The following DESI1 variants were observed in gnomAD, a reference collection of about 807,000 sequenced individuals.
DESI1 encodes PPPDE peptidase domain containing 2.
A neutral mutation model predicts 22.4 loss-of-function variants in DESI1; 17 were observed. That is an observed-to-expected ratio of 0.76 (90% CI 0.52 to 1.14). The LOEUF (loss-of-function observed/expected upper bound fraction) is 1.14, where lower values mean the gene tolerates loss of function less well. Ranked by LOEUF, DESI1 falls within the 50% of genes most tolerant of loss-of-function variation. DESI1 has a pLI of 0.00. For synonymous variants in DESI1, 92 were observed against 84.2 expected (o/e 1.09, Z -0.51); for missense variants, 177 against 208.9 (o/e 0.85, Z 0.94).
In DESI1 at chr22:41,604,195, C is replaced by T. The variant is rs1406069395; in HGVS notation, c.181-42G>A. 1.9e-6 allele frequency: 3 copies of T among 1,570,982 alleles called. No individual in the cohort carries two copies. The East Asian group carries it at 6.8e-5, about 35-fold the overall frequency. On this transcript the variant is annotated intron_variant, in intron 3 of 5. Coordinates refer to ENST00000263256, the MANE Select transcript of DESI1 (RefSeq NM_015704.3). ...AAAGGAAGTCATTAAGTTACCATCTCCACTGAATGTTTTAATGTGGCTTCC... is the reference window on the plus strand; with the variant it reads ...AAAGGAAGTCATTAAGTTACCATCTTCACTGAATGTTTTAATGTGGCTTCC...
At chr22:41,605,018 C>T (rs558065576) in intron 3 of DESI1, among the ~76,000 whole-genome samples, 3 of 152,284 alleles carry the variant, frequency 2.0e-5, no homozygotes, top group Admixed American at 1.3e-4. Context: ...AACCCAGAAT[C>T]TGAAGTCTAC....
At chr22:41,619,018 C>T (rs548439725) in intron 1 of DESI1, among the ~76,000 whole-genome samples, 28 of 151,722 alleles carry the variant, frequency 1.8e-4, no homozygotes, top group Non-Finnish European at 3.5e-4. Context: ...GAGCCTAGAT[C>T]GTGCCACTGC....
intron 5 of DESI1, chr22:41,602,885 T>A (rs1013117614): frequency 1.1e-6 from 1 of 874,818 alleles, no homozygotes; most frequent in Non-Finnish European, 1.4e-6. Context: ...GCCCCCCTAC[T>A]ATTTTTCTGA....
chr22:41,617,996 C>T (rs1468605100), intron 1 of DESI1, among the ~76,000 whole-genome samples: 2 of 152,172 alleles, frequency 1.3e-5, no homozygotes, highest in Non-Finnish European at 2.9e-5. Context: ...TCCCTTACTA[C>T]CCTCCTGTGG....
chr22:41,620,950 C>CCG lies in DESI1; in HGVS notation c.-112_-111insCG. ...CGGAGGGAGAGGGGGGGACCGAGCCCGGGCCCGGGCTGAGGGGTGGGGGAG... is the reference window on the plus strand; with the variant it reads ...CGGAGGGAGAGGGGGGGACCGAGCCCCGGGGCCCGGGCTGAGGGGTGGGGGAG... On this transcript the variant is annotated 5_prime_UTR_variant, in exon 1 of 6. Coordinates refer to ENST00000263256, the MANE Select transcript of DESI1 (RefSeq NM_015704.3). The CCG allele has an allele frequency of 1.2e-6, 1 of 857,342 alleles. No homozygotes were observed. The highest frequency in any genetic ancestry group is 1.7e-6 in the Non-Finnish European group (1 of 584,166). 53.1% of individuals were successfully genotyped at this position (857,342 alleles called of 1,614,324 possible).
At chr22:41,620,662 G>GA (rs756887879) in intron 1 of DESI1, 90 bp downstream of exon 1, 1,253 of 1,280,652 alleles carry the variant, frequency 9.8e-4, no homozygotes, top group Non-Finnish European at 1.2e-3. Context: ...GTCTCCCCGT[G>GA]AGTCGTGGCC....
chr22:41,619,025 C>T (rs1176277126), intron 1 of DESI1, among the ~76,000 whole-genome samples: 1 of 151,590 alleles, frequency 6.6e-6, no homozygotes, highest in Non-Finnish European at 1.5e-5. Flanking sequence ...GATCGTGCCA[C>T]TGCACTCCAG....
intron 1 of DESI1, among the ~76,000 whole-genome samples, chr22:41,616,656 T>C (rs1439840420): frequency 6.6e-6 from 1 of 152,064 alleles, no homozygotes; most frequent in Non-Finnish European, 1.5e-5. Flanking sequence ...ACACTTATAA[T>C]AGCTAATTAT....
At chr22:41,617,186 C>T (rs941659081) in intron 1 of DESI1, among the ~76,000 whole-genome samples, 6 of 152,116 alleles carry the variant, frequency 3.9e-5, no homozygotes, top group African/African-American at 1.4e-4. Flanking sequence ...TGACAGAGAA[C>T]GCGAGCTCTG....
chr22:41,620,695 C>G (rs2267437), intron 1 of DESI1, 57 bp downstream of exon 1: 625,437 of 1,529,408 alleles, frequency 0.41, 133,277 homozygotes, highest in Non-Finnish European at 0.44. Context: ...CCTCGGCCAG[C>G]CGCCACCCTC....
At chr22:41,608,051 G>A (rs939985631) in intron 1 of DESI1, among the ~76,000 whole-genome samples, 190 bp from the exon 2 acceptor site, 20 of 152,314 alleles carry the variant, frequency 1.3e-4, no homozygotes, top group Non-Finnish European at 2.5e-4. Context: ...GAAAAGTAAT[G>A]AGAGTCTTTT....
chr22:41,613,629 T>C (rs530675899), intron 1 of DESI1, among the ~76,000 whole-genome samples: 30 of 152,354 alleles, frequency 2.0e-4, no homozygotes, highest in African/African-American at 6.3e-4. Context: ...CACAGTGCTA[T>C]TGAGGACAAA....
intron 1 of DESI1, among the ~76,000 whole-genome samples, chr22:41,610,062 A>AGGGTG: frequency 7.1e-6 from 1 of 141,248 alleles, no homozygotes; most frequent in African/African-American, 2.7e-5. Context: ...CCTGGGCAAC[A>AGGGTG]AGAGCAAAAC....
chr22:41,614,570 T>C (rs1270104856), intron 1 of DESI1, among the ~76,000 whole-genome samples: 1 of 140,518 alleles, frequency 7.1e-6, no homozygotes, highest in Non-Finnish European at 1.5e-5. Flanking sequence ...AGGTGTGAGC[T>C]ACTGTGCCCG....
At position 41,604,097 on chromosome 22, in the gene DESI1, G is replaced by A; in HGVS notation, c.237C>T (p.Val79=). ...DSVVDVGSTE[V]TEEIFLEYLS... ...GGTACTCCAGAAAGATTTCTTCTGT[G>A]ACTTCTGTACTCCCCACATCAACCA... is the stretch of plus-strand genomic sequence containing the variant. The change falls in exon 4 of 6, where the codon GTC becomes GTT. Residue 79 remains valine, a synonymous_variant. Coordinates refer to ENST00000263256, the MANE Select transcript of DESI1 (RefSeq NM_015704.3). 1 of 1,613,902 alleles carries A rather than the reference G, an allele frequency of 6.2e-7. No individual in the cohort carries two copies. Among genetic ancestry groups the A allele is most frequent in the Non-Finnish European group, 8.5e-7 (1 of 1,179,996 alleles).
At chr22:41,612,672 T>C (rs1245403828) in intron 1 of DESI1, among the ~76,000 whole-genome samples, 1 of 151,066 alleles carries the variant, frequency 6.6e-6, no homozygotes, top group Non-Finnish European at 1.5e-5. Flanking sequence ...CAAAGCTCAC[T>C]GCAGCCTTGA....
At chr22:41,618,006 G>T (rs1171673157) in intron 1 of DESI1, among the ~76,000 whole-genome samples, 1 of 152,070 alleles carries the variant, frequency 6.6e-6, no homozygotes, top group Admixed American at 6.6e-5. Flanking sequence ...CCCTCCTGTG[G>T]CTACTTCTTC....
At chr22:41,620,512 G>A (rs2067581026) in intron 1 of DESI1, among the ~76,000 whole-genome samples, 1 of 152,184 alleles carries the variant, frequency 6.6e-6, no homozygotes, top group African/African-American at 2.4e-5. Context: ...CCTGCAAGGT[G>A]GAGGCATGAC....
chr22:41,609,487 G>C (rs12157701), intron 1 of DESI1, among the ~76,000 whole-genome samples: 21,190 of 152,174 alleles, frequency 0.14, 4,037 homozygotes, highest in African/African-American at 0.44. Flanking sequence ...AAGACTTCCA[G>C]AAGATAAAAA....
Sources: allele counts gnomAD v4.1 joint callset (sites outside exome capture counted in the v4.1 genomes callset), GRCh38; gene constraint gnomAD v4.1.1; transcripts MANE v1.5; gene names NCBI Gene and HGNC (gene_info 2026-07-23, HGNC 2026-07-21).